Variants in PMEL observed in about 807,000 individuals in gnomAD.
PMEL encodes the protein premelanosome protein, also known as melanocyte protein PMEL.
A neutral mutation model predicts 64.9 loss-of-function variants in PMEL; 53 were observed. The observed-to-expected ratio is 0.82, with a 90% confidence interval of 0.66 to 1.03. The LOEUF is 1.03. PMEL is among the 50% of genes least tolerant of loss of function. PMEL has a pLI of 0.00. For missense variants in PMEL, 716 were observed against 814.9 expected (o/e 0.88, Z 1.48); for synonymous variants, 299 against 316.2 (o/e 0.95, Z 0.58).
rs746100457 is a variant in PMEL, at chr12:55,961,756, G to A, written c.77-24C>T. ...TACTAAAAGGAATGTGCCATGAAGG[G>A]CCCTAGGATCCTTTCAGTTCCTTCT... is the stretch of plus-strand genomic sequence containing the variant. On this transcript the variant is annotated intron_variant, in intron 1 of 10. Transcript: ENST00000548747. 2.0e-6 allele frequency: 3 copies of A among 1,493,870 alleles called. No homozygotes were observed. In the Admixed American group the frequency reaches 5.0e-5, roughly 25 times the overall value. 92.5% of individuals were successfully genotyped at this position (1,493,870 alleles called of 1,614,324 possible). A position where few individuals can be genotyped will look rare whatever the true frequency, so the allele number is the denominator to read the frequency against.
chr12:55,964,621 T>G (rs1303671436), intron 1 of PMEL, among the ~76,000 whole-genome samples: 1 of 151,982 alleles, frequency 6.6e-6, no homozygotes, highest in Non-Finnish European at 1.5e-5. Context: ...ATCTCTTTTC[T>G]TTTCTTTTCT....
rs1303271406 is a variant in PMEL at position 55,964,008 on chromosome 12, A to T, written c.76+1928T>A. On this transcript the variant is annotated intron_variant, in intron 1 of 10. Transcript: ENST00000548747. ...CCCTTTCCCCTTTCCTTTCCTTTTGATACAGGGTTTTGCTCTCTCACCCTG... is the reference window on the plus strand; with the variant it reads ...CCCTTTCCCCTTTCCTTTCCTTTTGTTACAGGGTTTTGCTCTCTCACCCTG... 6.0e-5 allele frequency among the ~76,000 whole-genome samples: 9 copies of T among 150,074 alleles called. No homozygotes were observed. In the South Asian group the frequency reaches 1.5e-3, roughly 24 times the overall value.
At chr12:55,959,009 G>A (rs1281788877) in intron 3 of PMEL, among the ~76,000 whole-genome samples, 2 of 151,460 alleles carry the variant, frequency 1.3e-5, no homozygotes, top group East Asian at 2.0e-4. Context: ...TGAACTCCTG[G>A]GCTTAAGCAA....
chr12:55,960,537 GTTTTT>G (rs760692409), intron 3 of PMEL, among the ~76,000 whole-genome samples: 1 of 97,296 alleles, frequency 1.0e-5, no homozygotes, highest in Non-Finnish European at 1.9e-5. Context: ...TTTGCTTTCT[GTTTTT>G]TTTTTTTTTT....
In PMEL at chr12:55,955,798, TC is replaced by T. The variant is rs1565773078; in HGVS notation, c.1536del (p.Thr513LeufsTer46). On this transcript the variant is annotated frameshift_variant, in exon 8 of 11. Transcript: ENST00000548747. LOFTEE classifies it high-confidence loss of function. ...VPSGEGDAFE[L>X]TVSCQGGLPK... ...ACTCACCCGCCTTGGCAGGACACAGTCAGCTCAAATGCATCCCCCTCACCGG... is the reference window on the plus strand; with the variant it reads ...ACTCACCCGCCTTGGCAGGACACAGTAGCTCAAATGCATCCCCCTCACCGG... 2 of 1,613,904 alleles carry T rather than the reference TC, an allele frequency of 1.2e-6. No individual in the cohort carries two copies. Among genetic ancestry groups the T allele is most frequent in the South Asian group, 2.2e-5 (2 of 91,080 alleles).
rs991226718 is a variant in PMEL, at chr12:55,957,728, A to G, written c.632-57T>C. The G allele has an allele frequency of 8.4e-6, 13 of 1,555,806 alleles. No individual in the cohort carries two copies. The Admixed American group carries it at 2.2e-4, about 26-fold the overall frequency. On this transcript the variant is annotated intron_variant, in intron 5 of 10. Transcript: ENST00000548747. ...GGCCTGAGCCACAGCTTCTCCTTTC[A>G]CAGCCACACCCTCCAACTCCAAGCT...
At chr12:55,954,497 T>C in intron 10 of PMEL, 148 bp from the exon 11 acceptor site, 1 of 770,082 alleles carries the variant, frequency 1.3e-6, no homozygotes, top group East Asian at 2.7e-5. Context: ...GGGTTTACCC[T>C]CTCTTATTTC....
At chr12:55,961,825 T>G in intron 1 of PMEL, 93 bp from the exon 2 acceptor site, 1 of 761,378 alleles carries the variant, frequency 1.3e-6, no homozygotes, top group Non-Finnish European at 2.1e-6. Flanking sequence ...ATTCTCACAT[T>G]CGAAGTGCAT....
In PMEL at chr12:55,964,694, C is replaced by T. The variant is rs531519002; in HGVS notation, c.76+1242G>A. Among the ~76,000 whole-genome samples the T allele has an allele frequency of 4.2e-4, 63 of 150,996 alleles. 1 individual carries two copies. Among genetic ancestry groups the T allele is most frequent in the African/African-American group, 1.4e-3 (59 of 41,050 alleles). Reference sequence around the variant, plus strand: ...AGGCTGGAATGCAATGGTGTGATCTCGGCTCACTGCAACCTCTGCCTCCCA... The same window carrying T: ...AGGCTGGAATGCAATGGTGTGATCTTGGCTCACTGCAACCTCTGCCTCCCA... On this transcript the variant is annotated intron_variant, in intron 1 of 10. Transcript: ENST00000548747.
At chr12:55,959,939 C>T (rs774056839) in intron 3 of PMEL, among the ~76,000 whole-genome samples, 3 of 152,112 alleles carry the variant, frequency 2.0e-5, no homozygotes, top group Non-Finnish European at 4.4e-5. Context: ...CTTTTATCTT[C>T]GGAAATGGAA....
At chr12:55,966,126 AG>A, upstream of PMEL, 1 of 1,532,168 alleles carries the variant, frequency 6.5e-7, no homozygotes, top group Non-Finnish European at 8.8e-7. Context: ...AAGGCCTGGG[AG>A]GGGCCGGAGG....
Position 55,956,109 on chromosome 12 carries a change from T to G in PMEL, c.1465A>C (p.Ile489Leu). Residue 489 changes from isoleucine (I) to leucine (L), a missense_variant, in exon 7 of 11, where the codon ATT becomes CTT. Transcript: ENST00000548747. Reference protein sequence around the residue: ...RYGSFSVTLDIVQGIESAEIL... With the variant: ...RYGSFSVTLDLVQGIESAEIL... ...CAAAGTAGGCAAGACTCACGGACAA[T>G]GTCCAGGGTGACGGAAAAGGAACCA... 1.2e-6 allele frequency: 2 copies of G among 1,608,304 alleles called. No homozygotes were observed. The highest frequency in any genetic ancestry group is 1.7e-6 in the Non-Finnish European group (2 of 1,174,750).
chr12:55,964,439 C>T (rs112943693), intron 1 of PMEL, among the ~76,000 whole-genome samples: 273 of 150,942 alleles, frequency 1.8e-3, no homozygotes, highest in African/African-American at 6.3e-3. Flanking sequence ...GGATTACAGG[C>T]GTGAGCCACC....
Position 55,957,604 on chromosome 12 carries a change from C to G in PMEL, c.699G>C (p.Leu233=). The change falls in exon 6 of 11, where the codon CTG becomes CTC. Residue 233 remains leucine, a synonymous_variant. Coordinates refer to ENST00000548747, the MANE Select transcript of PMEL (RefSeq NM_001384361.1). The part of the protein sequence containing the change: ...RALDGGNKHF[L]RNQPLTFALQ... The stretch of plus-strand genomic sequence containing the variant: ...GGGCAAAGGTCAGAGGCTGATTTCT[C>G]AGGAAGTGCTTGTTCCCTCCATCCA... The G allele has an allele frequency of 1.2e-6, 2 of 1,613,628 alleles. No individual in the cohort carries two copies. The highest frequency in any genetic ancestry group is 2.2e-5 in the East Asian group (1 of 44,850).
At chr12:55,958,240 G>A (rs1219502068) in intron 4 of PMEL, 156 bp from the exon 5 acceptor site, 3 of 824,422 alleles carry the variant, frequency 3.6e-6, no homozygotes, top group African/African-American at 3.4e-5. Context: ...CAGGGAAGGG[G>A]TCCTAATGAG....
intron 1 of PMEL, among the ~76,000 whole-genome samples, chr12:55,964,960 C>T (rs1200034196): frequency 7.6e-6 from 1 of 131,522 alleles, no homozygotes; most frequent in African/African-American, 2.9e-5. Context: ...CGGAGACTCG[C>T]TCTGTCACCC....
intron 1 of PMEL, among the ~76,000 whole-genome samples, chr12:55,963,665 CTCTT>C (rs1467641399): frequency 1.3e-5 from 2 of 152,192 alleles, no homozygotes; most frequent in Admixed American, 6.5e-5. Context: ...TGTGAACAGA[CTCTT>C]TCCAGGATAC....
Position 55,954,199 on chromosome 12 carries a change from A to G in PMEL, c.*15T>C. ...CTGTCAACTCCAGGAAAATCACAGC[A>G]TCATATGAGAGTACTCAGACCTGCT... On this transcript the variant is annotated 3_prime_UTR_variant, in exon 11 of 11. Coordinates refer to ENST00000548747, the MANE Select transcript of PMEL (RefSeq NM_001384361.1). The G allele has an allele frequency of 6.3e-7, 1 of 1,587,820 alleles. No individual in the cohort carries two copies. Among genetic ancestry groups the G allele is most frequent in the Non-Finnish European group, 8.6e-7 (1 of 1,169,022 alleles).
intron 3 of PMEL, among the ~76,000 whole-genome samples, chr12:55,960,535 C>CTTTTTTTTTTTTT (rs1889060584): frequency 8.1e-6 from 1 of 122,942 alleles, no homozygotes; most frequent in African/African-American, 3.6e-5. Flanking sequence ...TTTTTGCTTT[C>CTTTTTTTTTTTTT]TGTTTTTTTT....
Sources: gnomAD v4.1 joint callset for allele counts (sites outside exome capture counted in the v4.1 genomes callset) on GRCh38, gnomAD v4.1.1 for gene constraint, MANE v1.5 for transcripts, NCBI Gene and HGNC (gene_info 2026-07-23, HGNC 2026-07-21) for gene names.